Variants in NFYC observed in about 807,000 individuals in gnomAD.
NFYC encodes the protein nuclear transcription factor Y subunit gamma.
NFYC carries 25 observed loss-of-function variants against 53.1 expected under a neutral mutation model. The observed-to-expected ratio is 0.47, with a 90% confidence interval of 0.34 to 0.66. The LOEUF is 0.66. Ranked by LOEUF, NFYC falls within the 30% of genes least tolerant of loss-of-function variation. The pLI, the probability that NFYC is intolerant of heterozygous loss-of-function variation, is 0.01. For missense variants in NFYC, 260 were observed against 422.7 expected (o/e 0.62, Z 3.38); for synonymous variants, 145 against 152.6 (o/e 0.95, Z 0.37).
At chr1:40,761,164 C>A (rs1198739502) in intron 6 of NFYC, among the ~76,000 whole-genome samples, 1 of 152,212 alleles carries the variant, frequency 6.6e-6, no homozygotes, top group East Asian at 1.9e-4. Flanking sequence ...TGGGTTGATA[C>A]AGTACAGTGA....
chr1:40,758,849 G>C (rs1422803029), intron 6 of NFYC, among the ~76,000 whole-genome samples: 2 of 152,194 alleles, frequency 1.3e-5, no homozygotes, highest in African/African-American at 2.4e-5. Flanking sequence ...TGAGGCTGCA[G>C]AGAACTCTGT....
intron 2 of NFYC, among the ~76,000 whole-genome samples, chr1:40,742,412 T>TGATTGCCA (rs1439617685): frequency 2.6e-5 from 4 of 152,226 alleles, no homozygotes; most frequent in African/African-American, 9.6e-5. Context: ...TTTACAAGTT[T>TGATTGCCA]GATTGCCAAC....
At chr1:40,752,966 G>T (rs1192212230) in intron 4 of NFYC, among the ~76,000 whole-genome samples, 185 bp from the exon 5 acceptor site, 1 of 151,920 alleles carries the variant, frequency 6.6e-6, no homozygotes, top group East Asian at 1.9e-4. Context: ...CTTTTTTGTT[G>T]ATGGTTGCCC....
intron 1 of NFYC, among the ~76,000 whole-genome samples, chr1:40,725,254 A>T (rs1314690283): frequency 6.6e-6 from 1 of 152,092 alleles, no homozygotes; most frequent in Non-Finnish European, 1.5e-5. Context: ...CCTTGTATTC[A>T]TTCATTTATT....
intron 1 of NFYC, among the ~76,000 whole-genome samples, chr1:40,701,100 A>G (rs1480324465): frequency 6.6e-6 from 1 of 151,934 alleles, no homozygotes; most frequent in Non-Finnish European, 1.5e-5. Flanking sequence ...AACCCTGTAT[A>G]CCTTTCTTTT....
At chr1:40,713,141 CTT>C (rs1643997719) in intron 1 of NFYC, among the ~76,000 whole-genome samples, 1 of 152,190 alleles carries the variant, frequency 6.6e-6, no homozygotes, top group Non-Finnish European at 1.5e-5. Context: ...ATGGGGGTTT[CTT>C]TTAATCTAGT....
chr1:40,728,907 G>A lies in NFYC; in HGVS notation c.-8-9929G>A, dbSNP rs1320534953. Among the ~76,000 whole-genome samples the A allele has an allele frequency of 2.0e-5, 3 of 152,186 alleles. No individual in the cohort carries two copies. The East Asian group carries it at 5.8e-4, about 29-fold the overall frequency. On this transcript the variant is annotated intron_variant, in intron 1 of 9. Transcript: ENST00000447388. ...CCCGCCTTGGCCTCCCAAAGTGTTGGGATTACAGGCGTGAGCCACTGCTCC... is the reference window on the plus strand; with the variant it reads ...CCCGCCTTGGCCTCCCAAAGTGTTGAGATTACAGGCGTGAGCCACTGCTCC...
chr1:40,730,198 T>TC (rs1462916385), intron 1 of NFYC, among the ~76,000 whole-genome samples: 1 of 118,672 alleles, frequency 8.4e-6, no homozygotes, highest in Admixed American at 8.0e-5. Context: ...TTCTTTTCTT[T>TC]TTTTTTTTTT....
At position 40,740,814 on chromosome 1, in the gene NFYC, CTG is replaced by C. The variant is rs778566002; in HGVS notation, c.105+1869_105+1870del. On this transcript the variant is annotated intron_variant, in intron 2 of 9. Transcript: ENST00000447388. ...GTGGGACTAGGCCAATCGAGCAAGTCTGTGCCGCAGCTTGAGCCGAGAGGCAT... is the reference window on the plus strand; with the variant it reads ...GTGGGACTAGGCCAATCGAGCAAGTCTGCCGCAGCTTGAGCCGAGAGGCAT... Among the ~76,000 whole-genome samples, 14 of 152,042 alleles carry C rather than the reference CTG, an allele frequency of 9.2e-5. 1 individual carries two copies. Among genetic ancestry groups the C allele is most frequent in the African/African-American group, 3.4e-4 (14 of 41,386 alleles).
At chr1:40,731,422 G>A (rs1183885769) in intron 1 of NFYC, among the ~76,000 whole-genome samples, 1 of 71,010 alleles carries the variant, frequency 1.4e-5, no homozygotes, top group African/African-American at 5.2e-5. Context: ...TGATCCTCCT[G>A]CCTCAGCCTC....
chr1:40,756,057 C>T (rs1391139540), intron 5 of NFYC, among the ~76,000 whole-genome samples: 1 of 152,188 alleles, frequency 6.6e-6, no homozygotes, highest in Non-Finnish European at 1.5e-5. Context: ...TATACCCTCT[C>T]ATTACCCAAG....
At chr1:40,699,793 A>C (rs562967144) in intron 1 of NFYC, among the ~76,000 whole-genome samples, 1 of 152,194 alleles carries the variant, frequency 6.6e-6, no homozygotes, top group Non-Finnish European at 1.5e-5. Flanking sequence ...CTTCCACTGA[A>C]CATTAGTTCT....
At chr1:40,713,603 AG>A (rs1414071955) in intron 1 of NFYC, among the ~76,000 whole-genome samples, 2 of 152,222 alleles carry the variant, frequency 1.3e-5, no homozygotes, top group East Asian at 3.8e-4. Context: ...CATCTAAATT[AG>A]GCTGATGGGA....
chr1:40,702,270 G>C (rs1212214470), intron 1 of NFYC, among the ~76,000 whole-genome samples: 1 of 150,868 alleles, frequency 6.6e-6, no homozygotes, highest in Non-Finnish European at 1.5e-5. Context: ...CCAGTGCAAT[G>C]TTCCTTTATT....
chr1:40,714,397 A>T lies in NFYC; in HGVS notation c.-9+22530A>T, dbSNP rs542042172. ...TATGTTTGAGTAGTATTTGTTCTTT[A>T]TATTCTTTGATAGACCATGATATAC... On this transcript the variant is annotated intron_variant, in intron 1 of 9. Transcript: ENST00000447388. 3.0e-4 allele frequency among the ~76,000 whole-genome samples: 46 copies of T among 152,294 alleles called. No individual in the cohort carries two copies. The East Asian group carries it at 3.3e-3, about 11-fold the overall frequency.
At chr1:40,694,615 A>T (rs1298210708) in intron 1 of NFYC, among the ~76,000 whole-genome samples, 1 of 152,208 alleles carries the variant, frequency 6.6e-6, no homozygotes, top group African/African-American at 2.4e-5. Context: ...TAGTAAGACT[A>T]GACAAGGTGA....
At position 40,703,480 on chromosome 1, in the gene NFYC, T is replaced by TAAAAA. The variant is rs57102599; in HGVS notation, c.-9+11623_-9+11627dup. Among the ~76,000 whole-genome samples, 12 of 97,752 alleles carry TAAAAA rather than the reference T, an allele frequency of 1.2e-4. 1 individual carries two copies. The highest frequency in any genetic ancestry group is 4.1e-4 in the African/African-American group (9 of 22,074). The allele number at this position is 97,752 out of a possible 152,430, so 64.1% of individuals were successfully genotyped here. A position where few individuals can be genotyped will look rare whatever the true frequency, so the allele number is the denominator to read the frequency against. ...GTACTCCAGCCTGGGCAATTAGCCC[T>TAAAAA]AAAAAAAAAAAAAAGAATATGAAGC... On this transcript the variant is annotated intron_variant, in intron 1 of 9. Transcript: ENST00000447388.
In NFYC at chr1:40,770,600, G is replaced by C. The variant is rs1345350075; in HGVS notation, c.889-109G>C. On this transcript the variant is annotated intron_variant, in intron 9 of 9. Transcript: ENST00000447388. This position sits in a 1 kb window ranked among gnomAD's most constrained non-coding sequence, Gnocchi z 5.3. ...CCCCTCCTCCTTCTGACGCCTTGCA[G>C]TGGGTGGTGGTTGAGGTATCTGGGA... 6.2e-7 allele frequency: 1 copy of C among 1,613,694 alleles called. No homozygotes were observed. Among genetic ancestry groups the C allele is most frequent in the South Asian group, 1.1e-5 (1 of 91,006 alleles).
intron 6 of NFYC, among the ~76,000 whole-genome samples, chr1:40,760,661 A>C (rs1462759205): frequency 5.3e-5 from 8 of 152,028 alleles, no homozygotes; most frequent in Non-Finnish European, 1.2e-4. Flanking sequence ...CGGATGTTGC[A>C]GTAAGCTGAG....
Sources: allele counts gnomAD v4.1 joint callset (sites outside exome capture counted in the v4.1 genomes callset), GRCh38; gene constraint gnomAD v4.1.1; non-coding constraint Gnocchi (gnomAD v3.1); transcripts MANE v1.5; gene names NCBI Gene and HGNC (gene_info 2026-07-23, HGNC 2026-07-21).